Variants in PNKD observed in about 807,000 individuals in gnomAD.
PNKD encodes probable thioesterase PNKD.
PNKD carries 36 observed loss-of-function variants against 45.3 expected under a neutral mutation model. The ratio of observed to expected loss-of-function variants is 0.80; its 90% CI spans 0.61 to 1.05. The LOEUF is 1.05. Among genes scored for constraint, PNKD ranks in the 50% least tolerant of loss-of-function variants. PNKD has a pLI of 0.00. For missense variants in PNKD, 511 were observed against 506.6 expected, an observed-to-expected ratio of 1.01 and a Z score of -0.08; for synonymous variants, 197 against 210.1, an observed-to-expected ratio of 0.94 and a Z score of 0.54.
At position 218,341,852 on chromosome 2, in the gene PNKD, T is replaced by G. The variant is rs1383570887; in HGVS notation, c.618-129T>G. 7 of 836,016 alleles carry G rather than the reference T, an allele frequency of 8.4e-6. No homozygotes were observed. The African/African-American group carries it at 1.0e-4, about 12-fold the overall frequency. The allele number at this position is 836,016 out of a possible 1,614,324, so 51.8% of individuals were successfully genotyped here. A position where few individuals can be genotyped will look rare whatever the true frequency, so the allele number is the denominator to read the frequency against. On this transcript the variant is annotated intron_variant, in intron 6 of 9. Transcript: ENST00000273077. ...GGTTCGGACCTGAGACCCGAGGCAC[T>G]GGGGTGACTTCTTTTGTATGGAAGC... is the stretch of plus-strand genomic sequence containing the variant.
chr2:218,297,684 CAA>C (rs71064428), intron 2 of PNKD, among the ~76,000 whole-genome samples: 26 of 41,996 alleles, frequency 6.2e-4, no homozygotes, highest in African/African-American at 3.0e-3. Flanking sequence ...GACTCCGTCT[CAA>C]AAAAAAAAAA....
chr2:218,286,187 C>A (rs1297305646), intron 2 of PNKD, among the ~76,000 whole-genome samples: 1 of 152,070 alleles, frequency 6.6e-6, no homozygotes, highest in African/African-American at 2.4e-5. Context: ...TAGGCATTCA[C>A]CTTCTGCTTG....
chr2:218,323,989 T>G (rs2106276092), intron 2 of PNKD, among the ~76,000 whole-genome samples: 1 of 152,336 alleles, frequency 6.6e-6, no homozygotes, highest in East Asian at 1.9e-4. Flanking sequence ...AGTATGTCCC[T>G]TTCCTTCTAA....
chr2:218,314,929 A>G (rs543844795), intron 2 of PNKD, among the ~76,000 whole-genome samples: 1 of 114,678 alleles, frequency 8.7e-6, no homozygotes, highest in African/African-American at 2.5e-5. Flanking sequence ...GCCTCAAGTG[A>G]TCCACCTGCT....
intron 2 of PNKD, among the ~76,000 whole-genome samples, chr2:218,303,099 C>T (rs1693314756): frequency 6.6e-6 from 1 of 152,012 alleles, no homozygotes; most frequent in Non-Finnish European, 1.5e-5. Context: ...ACCACCATGC[C>T]CAGCTAATTT....
chr2:218,282,160 G>C (rs748605548), intron 2 of PNKD: 5 of 1,460,232 alleles, frequency 3.4e-6, no homozygotes, highest in Non-Finnish European at 4.5e-6. Flanking sequence ...ACGGGCTGAG[G>C]GGGAACCCCA....
At chr2:218,290,997 T>C (rs1016515610) in intron 2 of PNKD, among the ~76,000 whole-genome samples, 1 of 152,200 alleles carries the variant, frequency 6.6e-6, no homozygotes, top group Non-Finnish European at 1.5e-5. Context: ...GTTTCCCTTC[T>C]CTGTGGCTTC....
chr2:218,281,818 CA>C, intron 2 of PNKD: 2 of 872,326 alleles, frequency 2.3e-6, no homozygotes, highest in Admixed American at 5.0e-5. Flanking sequence ...GAGATCTCAA[CA>C]GAGAAGATGA....
intron 2 of PNKD, 44 bp from the exon 3 acceptor site, chr2:218,339,739 C>G (rs370780305): frequency 4.2e-5 from 51 of 1,200,756 alleles, no homozygotes; most frequent in Non-Finnish European, 5.1e-5. Context: ...TCTAGGGGAG[C>G]TAGGGAGAAA....
At chr2:218,285,851 G>C (rs1448930605) in intron 2 of PNKD, 1 of 153,038 alleles carries the variant, frequency 6.5e-6, no homozygotes, top group African/African-American at 2.4e-5. Flanking sequence ...GCCTGCTCTT[G>C]GGCTTCTGCC....
intron 2 of PNKD, chr2:218,278,267 C>G: frequency 1.6e-6 from 1 of 606,100 alleles, no homozygotes; most frequent in South Asian, 2.0e-5. Context: ...GCCTCGGGTT[C>G]TTCCTATTTG....
At chr2:218,333,798 T>C (rs1371322439) in intron 2 of PNKD, among the ~76,000 whole-genome samples, 1 of 151,870 alleles carries the variant, frequency 6.6e-6, no homozygotes, top group Admixed American at 6.6e-5. Context: ...GAAAGGGTGA[T>C]TTTATTTAAT....
In PNKD at chr2:218,279,504, G is replaced by GGCAAT. The variant is rs905158653; in HGVS notation, c.236+7957_236+7961dup. ...ACCCCAGTGAGATGCCTGGCTCAGA[G>GGCAAT]GCAATGTGCACTTCTTCCTCAGCCC... On this transcript the variant is annotated intron_variant, in intron 2 of 9. Transcript: ENST00000273077. 3 of 612,476 alleles carry GGCAAT rather than the reference G, an allele frequency of 4.9e-6. No homozygotes were observed. The African/African-American group carries it at 5.6e-5, about 11-fold the overall frequency. The allele number at this position is 612,476 out of a possible 1,614,324, so 37.9% of individuals were successfully genotyped here. A position where few individuals can be genotyped will look rare whatever the true frequency, so the allele number is the denominator to read the frequency against.
chr2:218,330,326 G>T (rs1318813445), intron 2 of PNKD, among the ~76,000 whole-genome samples: 1 of 152,204 alleles, frequency 6.6e-6, no homozygotes, highest in East Asian at 1.9e-4. Flanking sequence ...CCCCACGGAG[G>T]AGAGAAGAGC....
At chr2:218,277,506 C>T in intron 2 of PNKD, 1 of 1,610,040 alleles carries the variant, frequency 6.2e-7, no homozygotes, top group Non-Finnish European at 8.5e-7. Flanking sequence ...GTATGAATGA[C>T]TTCAAAATCA....
chr2:218,275,524 A>C, intron 2 of PNKD: 1 of 1,614,160 alleles, frequency 6.2e-7, no homozygotes, highest in East Asian at 2.2e-5. Flanking sequence ...GATGTAGATG[A>C]TGTCTGTGTA....
chr2:218,324,023 C>G (rs1038182524), intron 2 of PNKD, among the ~76,000 whole-genome samples: 1 of 152,156 alleles, frequency 6.6e-6, no homozygotes, highest in South Asian at 2.1e-4. Flanking sequence ...CGTGTGGAAG[C>G]CCCAGGCTGT....
intron 2 of PNKD, among the ~76,000 whole-genome samples, chr2:218,327,620 AT>A (rs1293846299): frequency 2.6e-5 from 4 of 152,006 alleles, no homozygotes; most frequent in Non-Finnish European, 4.4e-5. Context: ...TGCAAGCCAC[AT>A]TGCCGACAGT....
chr2:218,319,461 C>T (rs1371251910), intron 2 of PNKD, among the ~76,000 whole-genome samples: 1 of 150,282 alleles, frequency 6.7e-6, no homozygotes, highest in Non-Finnish European at 1.5e-5. Flanking sequence ...CTGCAACCTC[C>T]GCCTCTTAGG....
Sources: allele counts gnomAD v4.1 joint callset (sites outside exome capture counted in the v4.1 genomes callset), GRCh38; gene constraint gnomAD v4.1.1; transcripts MANE v1.5; gene names NCBI Gene and HGNC (gene_info 2026-07-23, HGNC 2026-07-21).